The following SNX29 variants were observed in gnomAD, a reference collection of about 807,000 sequenced individuals.
SNX29 encodes the protein sorting nexin-29.
SNX29 carries 78 observed loss-of-function variants against 102.1 expected under a neutral mutation model. That is an observed-to-expected ratio of 0.76 (90% CI 0.64 to 0.92). SNX29 has a LOEUF of 0.92. SNX29 is among the 40% of genes least tolerant of loss of function. The pLI is 0.00. For synonymous variants in SNX29, 580 were observed against 414.5 expected, an observed-to-expected ratio of 1.40 and a Z score of -4.85; for missense variants, 1,280 against 1,061.7, an observed-to-expected ratio of 1.21 and a Z score of -2.86.
intron 11 of SNX29, among the ~76,000 whole-genome samples, chr16:12,111,717 G>A (rs910582261): frequency 9.2e-5 from 14 of 152,312 alleles, no homozygotes; most frequent in African/African-American, 3.4e-4. Flanking sequence ...GGTAGCAGGT[G>A]GCAGGAGGCA....
At chr16:12,095,152 A>G (rs1006216333) in intron 11 of SNX29, 1 of 152,210 alleles carries the variant, frequency 6.6e-6, no homozygotes, top group African/African-American at 2.4e-5. Context: ...GCTCACTGGT[A>G]CTACTTTACT....
At chr16:12,376,049 A>AAG (rs2151401255) in intron 16 of SNX29, 1 of 152,886 alleles carries the variant, frequency 6.5e-6, no homozygotes, top group Non-Finnish European at 1.5e-5. Context: ...AAAAAAAAAA[A>AAG]AAAAGTGGCA....
rs118042115 is a variant in SNX29 at position 12,113,472 on chromosome 16, C to T, written c.1403-13161C>T. 2.6e-4 allele frequency among the ~76,000 whole-genome samples: 39 copies of T among 152,216 alleles called. 1 individual carries two copies. In the East Asian group the frequency reaches 6.6e-3, roughly 26 times the overall value. Reference sequence around the variant, plus strand: ...GGTGCAGAGTTGGTGAGATTCACTCCGGGTGTGAGATCTGCCTGCACCCTC... The same window carrying T: ...GGTGCAGAGTTGGTGAGATTCACTCTGGGTGTGAGATCTGCCTGCACCCTC... On this transcript the variant is annotated intron_variant, in intron 11 of 20. Transcript: ENST00000566228.
intron 18 of SNX29, among the ~76,000 whole-genome samples, chr16:12,441,893 A>T (rs919743411): frequency 6.6e-6 from 1 of 152,106 alleles, no homozygotes; most frequent in Admixed American, 6.6e-5. Context: ...GATTCAGGCT[A>T]TTCTCCTGTC....
chr16:12,355,101 G>A (rs1004985318), intron 15 of SNX29, among the ~76,000 whole-genome samples: 1 of 152,088 alleles, frequency 6.6e-6, no homozygotes, highest in African/African-American at 2.4e-5. Context: ...TTTATAAAGG[G>A]TCTAAGTGGC....
chr16:12,508,997 C>G (rs1264724181), intron 19 of SNX29, among the ~76,000 whole-genome samples: 2 of 152,174 alleles, frequency 1.3e-5, no homozygotes, highest in African/African-American at 4.8e-5. Flanking sequence ...TCCCTCCGCT[C>G]AGTTCCCGGC....
chr16:12,539,376 C>A (rs752787674), intron 20 of SNX29, among the ~76,000 whole-genome samples: 1 of 152,066 alleles, frequency 6.6e-6, no homozygotes, highest in African/African-American at 2.4e-5. Flanking sequence ...CCTCTTGAGG[C>A]TGGCGTCTTT....
chr16:12,447,263 G>A (rs545849773), intron 18 of SNX29, among the ~76,000 whole-genome samples: 11 of 150,336 alleles, frequency 7.3e-5, no homozygotes, highest in African/African-American at 2.7e-4. Context: ...AAGCATCCAG[G>A]CAATTGAAGA....
rs140164425 is a variant in SNX29 at position 12,562,850 on chromosome 16, G to A, written c.2319-5656G>A. Reference sequence around the variant, plus strand: ...CCTAGCATTCCCCTATAGGCAACCCGACAGCTCCCGGTCTGTGCTTTGTCA... The same window carrying A: ...CCTAGCATTCCCCTATAGGCAACCCAACAGCTCCCGGTCTGTGCTTTGTCA... On this transcript the variant is annotated intron_variant, in intron 20 of 20. Transcript: ENST00000566228. Among the ~76,000 whole-genome samples, 548 of 152,152 alleles carry A rather than the reference G, an allele frequency of 3.6e-3. 2 individuals are homozygous for A. Among genetic ancestry groups the A allele is most frequent in the African/African-American group, 0.012 (513 of 41,498 alleles).
chr16:12,052,409 G>T, intron 8 of SNX29, 187 bp downstream of exon 8: 2 of 549,446 alleles, frequency 3.6e-6, no homozygotes, highest in South Asian at 3.9e-5. Context: ...TAGAGATGGG[G>T]TTTCACCATA....
intron 13 of SNX29, among the ~76,000 whole-genome samples, chr16:12,197,044 G>T (rs2076793502): frequency 6.6e-6 from 1 of 152,264 alleles, no homozygotes; most frequent in Non-Finnish European, 1.5e-5. Context: ...GGAAGCTGAG[G>T]ATCGGCCCGA....
At chr16:12,183,516 A>G (rs1490329234) in intron 13 of SNX29, among the ~76,000 whole-genome samples, 1 of 152,218 alleles carries the variant, frequency 6.6e-6, no homozygotes, top group Non-Finnish European at 1.5e-5. Context: ...GTATGTAAAT[A>G]TACTTTTCCT....
chr16:12,060,826 A>G (rs983500741), intron 8 of SNX29: 1 of 456,226 alleles, frequency 2.2e-6, no homozygotes, highest in Non-Finnish European at 4.4e-6. Flanking sequence ...CGCATTAGAG[A>G]TTTGTACTTT....
At chr16:12,334,921 T>TTTTTTTA (rs56233203) in intron 15 of SNX29, among the ~76,000 whole-genome samples, 6 of 149,316 alleles carry the variant, frequency 4.0e-5, no homozygotes, top group East Asian at 4.0e-4. Flanking sequence ...TTTTTTTTTT[T>TTTTTTTA]AAAAAGCAAC....
rs1238627572 is a variant in SNX29, at chr16:12,524,597, G to T, written c.2179-105G>T. ...CATACGAGATAGTTGCTCAATCAGTGTTGGTTGCCTGGATGGCGCTGATGG... is the reference window on the plus strand; with the variant it reads ...CATACGAGATAGTTGCTCAATCAGTTTTGGTTGCCTGGATGGCGCTGATGG... On this transcript the variant is annotated intron_variant, in intron 19 of 20. Coordinates refer to ENST00000566228, the MANE Select transcript of SNX29 (RefSeq NM_032167.5). The T allele has an allele frequency of 1.1e-5, 15 of 1,365,148 alleles. No homozygotes were observed. The Admixed American group carries it at 2.6e-4, about 24-fold the overall frequency. 84.6% of individuals were successfully genotyped at this position (1,365,148 alleles called of 1,614,324 possible).
At chr16:12,094,114 C>T (rs900434288) in intron 11 of SNX29, among the ~76,000 whole-genome samples, 4 of 152,148 alleles carry the variant, frequency 2.6e-5, no homozygotes, top group East Asian at 1.9e-4. Flanking sequence ...TGTGCCTCAG[C>T]GTTCTCGTCT....
intron 14 of SNX29, among the ~76,000 whole-genome samples, chr16:12,263,777 T>G (rs1406955623): frequency 2.6e-5 from 4 of 152,206 alleles, no homozygotes; most frequent in Non-Finnish European, 5.9e-5. Context: ...TATATATTTT[T>G]TGCTAAGTTT....
chr16:12,563,870 T>G (rs574280524), intron 20 of SNX29, among the ~76,000 whole-genome samples: 9 of 152,328 alleles, frequency 5.9e-5, no homozygotes, highest in South Asian at 2.1e-4. Flanking sequence ...TCTCTCCCCA[T>G]CTCTAGCCCC....
At chr16:12,558,957 A>G (rs2078547288) in intron 20 of SNX29, among the ~76,000 whole-genome samples, 1 of 152,192 alleles carries the variant, frequency 6.6e-6, no homozygotes, top group South Asian at 2.1e-4. Context: ...CCCATGTTTC[A>G]GGTAACAGAG....
Sources: gnomAD v4.1 joint callset for allele counts (sites outside exome capture counted in the v4.1 genomes callset) on GRCh38, gnomAD v4.1.1 for gene constraint, MANE v1.5 for transcripts, NCBI Gene and HGNC (gene_info 2026-07-23, HGNC 2026-07-21) for gene names.